N4BP2: variants seen among roughly 807,000 people sequenced by gnomAD.
The protein encoded by N4BP2 is NEDD4 binding protein 2.
In N4BP2, 91 loss-of-function variants were observed where a neutral mutation model predicts 152.8. The observed-to-expected ratio is 0.60, with a 90% CI of 0.50 to 0.71. The LOEUF is 0.71. Ranked by LOEUF, N4BP2 falls within the 30% of genes least tolerant of loss-of-function variation. N4BP2 has a pLI of 0.00. For synonymous variants in N4BP2, 646 were observed against 705.3 expected, an observed-to-expected ratio of 0.92 and a Z score of 1.33; for missense variants, 1,923 against 2,059.1, an observed-to-expected ratio of 0.93 and a Z score of 1.28.
chr4:40,069,209 G>A (rs185156947), intron 1 of N4BP2, among the ~76,000 whole-genome samples: 2,571 of 148,894 alleles, frequency 0.017, 90 homozygotes, highest in African/African-American at 0.06. Flanking sequence ...AGGCCGAGGC[G>A]GGCACATCAC....
chr4:40,186,249 G>C, the N4BP2 span, among the ~76,000 whole-genome samples: 1 of 146,532 alleles, frequency 6.8e-6, no homozygotes, highest in African/African-American at 2.5e-5. Context: ...CTTAGCTGTG[G>C]TTCAGTGATT....
intron 2 of N4BP2, among the ~76,000 whole-genome samples, chr4:40,095,058 G>T (rs754036777): frequency 6.6e-6 from 1 of 150,912 alleles, no homozygotes; most frequent in African/African-American, 2.4e-5. Flanking sequence ...TTACAGTCGC[G>T]AGCCCCTGAG....
chr4:40,105,459 G>A (rs1716173591), intron 4 of N4BP2, among the ~76,000 whole-genome samples: 1 of 151,732 alleles, frequency 6.6e-6, no homozygotes, highest in South Asian at 2.1e-4. Context: ...TGAGTAGCTG[G>A]GATTACAGGT....
the N4BP2 span, among the ~76,000 whole-genome samples, chr4:40,177,284 G>A: frequency 3.9e-5 from 6 of 152,116 alleles, no homozygotes; most frequent in African/African-American, 1.2e-4. Context: ...GGGAAGGAAG[G>A]GAGGGAAAGG....
chr4:40,101,192 T>A (rs541877494), intron 3 of N4BP2, among the ~76,000 whole-genome samples: 2 of 152,308 alleles, frequency 1.3e-5, no homozygotes, highest in Non-Finnish European at 2.9e-5. Flanking sequence ...AGTCTCGCTC[T>A]GTCACCAAGG....
chr4:40,122,028 C>G lies in N4BP2; in HGVS notation c.3917C>G (p.Thr1306Ser). The change falls in exon 9 of 18, where the codon ACT becomes AGT. Residue 1306 changes from threonine (T) to serine (S), a missense_variant. Thr to Ser is a moderately conservative substitution (Grantham distance 58). Coordinates refer to ENST00000261435, the MANE Select transcript of N4BP2 (RefSeq NM_018177.6). ...GAATTAAATGAAGAAATTTATTTTA[C>G]TGATTCTCTTGAAATAAAGAGAAAT... ...NLELNEEIYF[T>S]DSLEIKRNEN... 1 of 1,539,278 alleles carries G rather than the reference C, an allele frequency of 6.5e-7. No individual in the cohort carries two copies. The highest frequency in any genetic ancestry group is 8.8e-7 in the Non-Finnish European group (1 of 1,138,590).
intron 1 of N4BP2, among the ~76,000 whole-genome samples, chr4:40,066,899 T>C (rs1259435952): frequency 6.6e-6 from 1 of 152,148 alleles, no homozygotes; most frequent in Non-Finnish European, 1.5e-5. Flanking sequence ...GATTCTACTT[T>C]CTGTGTCTAG....
chr4:40,094,929 G>A (rs1714970703), intron 2 of N4BP2, among the ~76,000 whole-genome samples: 3 of 151,962 alleles, frequency 2.0e-5, no homozygotes, highest in Admixed American at 2.0e-4. Flanking sequence ...GAGTAGCCGG[G>A]ACTACAGGTT....
In N4BP2 at chr4:40,123,652, A is replaced by ATT. The variant is rs201141215; in HGVS notation, c.4284+452_4284+453dup. Among the ~76,000 whole-genome samples the ATT allele has an allele frequency of 9.5e-3, 1,371 of 144,888 alleles. 18 individuals are homozygous for ATT. The highest frequency in any genetic ancestry group is 0.033 in the African/African-American group (1,297 of 39,660). ...AGGTGCCTGCCACCACACCTAGGTA[A>ATT]TTTTTTTTTTTTTGTAGAGGCAAGG... On this transcript the variant is annotated intron_variant, in intron 10 of 17. Transcript: ENST00000261435.
intron 2 of N4BP2, chr4:40,082,955 C>A: frequency 5.0e-6 from 1 of 198,210 alleles, no homozygotes; most frequent in Non-Finnish European, 1.1e-5. Flanking sequence ...CTGCCTCAGC[C>A]TCCCAAAGTG....
rs764465385 is a variant in N4BP2 at position 40,136,934 on chromosome 4, T to G, written c.4647-10T>G. The G allele has an allele frequency of 1.9e-6, 3 of 1,592,280 alleles. No homozygotes were observed. Among genetic ancestry groups the G allele is most frequent in the Admixed American group, 1.7e-5 (1 of 57,850 alleles). ...TATTGACATTATGTTTCTACTTAAA[T>G]TTTCTACAGCTATTCATTAGAACAC... On this transcript the variant is annotated splice_polypyrimidine_tract_variant and intron_variant, in intron 13 of 17. Transcript: ENST00000261435.
chr4:40,086,371 C>T (rs1285540857), intron 2 of N4BP2, among the ~76,000 whole-genome samples: 1 of 147,886 alleles, frequency 6.8e-6, no homozygotes, highest in Non-Finnish European at 1.5e-5. Flanking sequence ...GAAGTCTTAC[C>T]CTGTCACCCA....
At chr4:40,109,133 G>A (rs1267315075) in intron 5 of N4BP2, among the ~76,000 whole-genome samples, 2 of 152,100 alleles carry the variant, frequency 1.3e-5, no homozygotes, top group Admixed American at 6.6e-5. Flanking sequence ...TTTATGATAA[G>A]TGTACTGTAA....
intron 3 of N4BP2, chr4:40,099,946 G>GT (rs1327027210): frequency 6.2e-6 from 1 of 160,048 alleles, no homozygotes; most frequent in East Asian, 2.3e-4. Flanking sequence ...CCATTTTTAG[G>GT]TTTTCTGTCC....
At chr4:40,188,520 G>A in the N4BP2 span, among the ~76,000 whole-genome samples, 15,943 of 152,070 alleles carry the variant, frequency 0.1, 1,324 homozygotes, top group East Asian at 0.43. Flanking sequence ...TGAGGCAGGC[G>A]GATCCCTTGA....
At chr4:40,128,109 AGATTTCGTTTG>A (rs1332078198) in intron 12 of N4BP2, among the ~76,000 whole-genome samples, 1 of 152,268 alleles carries the variant, frequency 6.6e-6, no homozygotes, top group African/African-American at 2.4e-5. Context: ...TACTTGCAGT[AGATTTCGTTTG>A]GATTTCGTCT....
the N4BP2 span, among the ~76,000 whole-genome samples, chr4:40,187,570 T>C: frequency 1.3e-5 from 2 of 151,826 alleles, no homozygotes; most frequent in Non-Finnish European, 1.5e-5. Context: ...TCCTCCCACC[T>C]TGGCCTCCCA....
At position 40,120,767 on chromosome 4, in the gene N4BP2, C is replaced by G; in HGVS notation, c.2656C>G (p.Pro886Ala). 1 of 1,614,100 alleles carries G rather than the reference C, an allele frequency of 6.2e-7. No individual in the cohort carries two copies. The highest frequency in any genetic ancestry group is 1.1e-5 in the South Asian group (1 of 91,078). The change falls in exon 9 of 18, where the codon CCT becomes GCT. Residue 886 changes from proline to alanine, a missense_variant. Coordinates refer to ENST00000261435, the MANE Select transcript of N4BP2 (RefSeq NM_018177.6). ...KNSFNIMGDW[P>A]SSDSLAQREH... The stretch of plus-strand genomic sequence containing the variant: ...CTCATTCAACATTATGGGTGACTGG[C>G]CTTCATCTGATTCTTTAGCTCAGAG...
intron 2 of N4BP2, among the ~76,000 whole-genome samples, chr4:40,074,103 T>C (rs1010568365): frequency 6.6e-6 from 1 of 151,296 alleles, no homozygotes; most frequent in Non-Finnish European, 1.5e-5. Flanking sequence ...GTTTTTGCTT[T>C]TTTTTGAGAT....
Sources: allele counts gnomAD v4.1 joint callset (sites outside exome capture counted in the v4.1 genomes callset), GRCh38; gene constraint gnomAD v4.1.1; transcripts MANE v1.5; gene names NCBI Gene and HGNC (gene_info 2026-07-23, HGNC 2026-07-21).